The following STRN3 variants were observed in gnomAD, a reference collection of about 807,000 sequenced individuals.
STRN3 encodes the protein striatin-3.
A neutral mutation model predicts 95.6 loss-of-function variants in STRN3; 29 were observed. The observed-to-expected ratio is 0.30, with a 90% CI of 0.23 to 0.41. The LOEUF is 0.41. Ranked by LOEUF, STRN3 falls within the 10% of genes least tolerant of loss-of-function variation. STRN3 has a pLI of 1.00. For synonymous variants in STRN3, 331 were observed against 357.6 expected (o/e 0.93, Z 0.84); for missense variants, 890 against 972.1 (o/e 0.92, Z 1.12).
chr14:31,014,349 T>A (rs550869463), intron 1 of STRN3, among the ~76,000 whole-genome samples: 1 of 151,854 alleles, frequency 6.6e-6, no homozygotes, highest in Non-Finnish European at 1.5e-5. Flanking sequence ...GCCTCCCGAG[T>A]AGCTGGAACT....
rs543701954 is a variant in STRN3 at position 30,987,080 on chromosome 14, T to C, written c.283-30838A>G. Among the ~76,000 whole-genome samples, 17 of 152,324 alleles carry C rather than the reference T, an allele frequency of 1.1e-4. 1 individual carries two copies. The South Asian group carries it at 2.7e-3, about 24-fold the overall frequency. On this transcript the variant is annotated intron_variant, in intron 1 of 17. Transcript: ENST00000357479. The stretch of plus-strand genomic sequence containing the variant: ...ACCCTCTTTATGGTACAAGAAGGCA[T>C]ACAGTCCTTTAAACACACTTACTAG...
At chr14:30,980,433 A>T (rs1881335463) in intron 1 of STRN3, among the ~76,000 whole-genome samples, 1 of 150,174 alleles carries the variant, frequency 6.7e-6, no homozygotes, top group Non-Finnish European at 1.5e-5. Context: ...TTTGAGATGG[A>T]GTGTTGCTCT....
chr14:30,929,972 A>AAAAAAAAAAAAAC (rs1566441496), intron 7 of STRN3, among the ~76,000 whole-genome samples: 1 of 149,500 alleles, frequency 6.7e-6, no homozygotes, highest in African/African-American at 2.5e-5. Context: ...AAAAAAAAAA[A>AAAAAAAAAAAAAC]AAAAAAACTC....
intron 3 of STRN3, among the ~76,000 whole-genome samples, chr14:30,955,345 CCTAA>C (rs1264261809): frequency 6.6e-6 from 1 of 152,094 alleles, no homozygotes; most frequent in Non-Finnish European, 1.5e-5. Context: ...TACTATAATA[CCTAA>C]CTTTGTTACC....
rs117876424 is a variant in STRN3 at position 30,914,066 on chromosome 14, A to G, written c.1241-409T>C. 1.4e-3 allele frequency among the ~76,000 whole-genome samples: 219 copies of G among 152,348 alleles called. 1 individual carries two copies. The highest frequency in any genetic ancestry group is 2.8e-3 in the Non-Finnish European group (190 of 68,034). On this transcript the variant is annotated intron_variant, in intron 9 of 17. Coordinates refer to ENST00000357479, the MANE Select transcript of STRN3 (RefSeq NM_001083893.2). ...CTCTACCATGGACCTCAAGGACCTC[A>G]AAGTAGTCATATAGTATTTTTTAAA...
At chr14:30,931,736 T>C (rs1401772327) in intron 7 of STRN3, among the ~76,000 whole-genome samples, 1 of 152,312 alleles carries the variant, frequency 6.6e-6, no homozygotes, top group East Asian at 1.9e-4. Context: ...GAACTAAAAA[T>C]AACTAATATT....
chr14:30,901,534 G>C (rs975861975), intron 16 of STRN3, among the ~76,000 whole-genome samples: 7 of 152,178 alleles, frequency 4.6e-5, no homozygotes, highest in Admixed American at 3.9e-4. Flanking sequence ...TTGTTACCCT[G>C]TAACAATGTT....
rs755650146 is a variant in STRN3 at position 30,984,266 on chromosome 14, T to TAA, written c.283-28026_283-28025dup. ...AAAGAAAGAAAAGGATGAGGAATTCTAAAAAAAAAAAAAAAAAAAAAAAAA... is the reference window on the plus strand; with the variant it reads ...AAAGAAAGAAAAGGATGAGGAATTCTAAAAAAAAAAAAAAAAAAAAAAAAAAA... On this transcript the variant is annotated intron_variant, in intron 1 of 17. Coordinates refer to ENST00000357479, the MANE Select transcript of STRN3 (RefSeq NM_001083893.2). Among the ~76,000 whole-genome samples, 595 of 86,860 alleles carry TAA rather than the reference T, an allele frequency of 6.9e-3. 13 individuals are homozygous for TAA. Among genetic ancestry groups the TAA allele is most frequent in the South Asian group, 0.02 (37 of 1,826 alleles). 57.0% of individuals were successfully genotyped at this position (86,860 alleles called of 152,430 possible). A position where few individuals can be genotyped will look rare whatever the true frequency, so the allele number is the denominator to read the frequency against.
At chr14:30,921,108 T>C (rs971229759) in intron 8 of STRN3, among the ~76,000 whole-genome samples, 2 of 122,742 alleles carry the variant, frequency 1.6e-5, no homozygotes, top group African/African-American at 6.0e-5. Context: ...ACACACACAC[T>C]TCCTTATCTT....
At chr14:31,014,687 G>T in intron 1 of STRN3, 1 of 457,932 alleles carries the variant, frequency 2.2e-6, no homozygotes, top group South Asian at 1.6e-5. Flanking sequence ...CCAATACCTT[G>T]TGTTTACCTT....
Position 30,895,533 on chromosome 14 carries a change from C to T in STRN3, c.2272G>A (p.Val758Met), listed in dbSNP as rs775955992. 1 of 1,614,102 alleles carries T rather than the reference C, an allele frequency of 6.2e-7. No homozygotes were observed. Among genetic ancestry groups the T allele is most frequent in the South Asian group, 1.1e-5 (1 of 91,068 alleles). The change falls in exon 18 of 18, where the codon GTG becomes ATG. Residue 758 changes from valine (V) to methionine (M), a missense_variant. By Grantham distance (21) the Val-to-Met change is conservative. Around this residue, in one of 3 missense-constraint regions of STRN3, gnomAD observed 357 missense variants for 422.8 expected, o/e 0.84. Transcript: ENST00000357479. ...TTTCTGTGAGCTGTTATTTCTTGCA[C>T]ACATGTCTTGCTGTCTAAATTCCAT... ...RLWNLDSKTC[V>M]QEITAHRKKL...
intron 9 of STRN3, among the ~76,000 whole-genome samples, chr14:30,917,601 A>G (rs1478954600): frequency 6.6e-6 from 1 of 152,258 alleles, no homozygotes; most frequent in Admixed American, 6.5e-5. Context: ...AAATACTTCT[A>G]AAGTAAAACA....
Position 30,929,967 on chromosome 14 carries a change from A to AAAAAAAAAAAAC in STRN3, c.989-657_989-656insGTTTTTTTTTTT, listed in dbSNP as rs1878431307. On this transcript the variant is annotated intron_variant, in intron 7 of 17. Transcript: ENST00000357479. ...AACTAAGATTAGCAAAAAAAAAAAA[A>AAAAAAAAAAAAC]AAAAAAAAAAAACTCAAATTCCACT... Among the ~76,000 whole-genome samples the AAAAAAAAAAAAC allele has an allele frequency of 8.8e-5, 8 of 91,208 alleles. 1 individual carries two copies. Among genetic ancestry groups the AAAAAAAAAAAAC allele is most frequent in the South Asian group, 6.4e-4 (2 of 3,134 alleles). 59.8% of individuals were successfully genotyped at this position (91,208 alleles called of 152,430 possible).
chr14:31,017,400 G>A (rs1409996314), intron 1 of STRN3, among the ~76,000 whole-genome samples: 1 of 83,640 alleles, frequency 1.2e-5, no homozygotes, highest in Non-Finnish European at 3.1e-5. Flanking sequence ...TAGGGAGGCT[G>A]AGGCAGGAGA....
intron 1 of STRN3, among the ~76,000 whole-genome samples, chr14:30,996,050 T>C (rs1040068625): frequency 6.6e-6 from 1 of 152,348 alleles, no homozygotes; most frequent in East Asian, 1.9e-4. Context: ...TCAAGTGAGC[T>C]TTTTGTTGTA....
At chr14:30,929,954 C>CAAAAAAAAAAACAAAAAAAAAAA (rs1393194244) in intron 7 of STRN3, among the ~76,000 whole-genome samples, 3 of 40,000 alleles carry the variant, frequency 7.5e-5, no homozygotes, top group African/African-American at 3.7e-4. Context: ...CTAAGATTAG[C>CAAAAAAAAAAACAAAAAAAAAAA]AAAAAAAAAA....
chr14:30,976,297 C>A (rs555405562), intron 1 of STRN3, among the ~76,000 whole-genome samples: 1 of 152,060 alleles, frequency 6.6e-6, no homozygotes, highest in African/African-American at 2.4e-5. Flanking sequence ...GACTTCAGAA[C>A]CAGGATAATT....
intron 1 of STRN3, among the ~76,000 whole-genome samples, chr14:30,957,479 A>AGAG (rs71112360): frequency 2.0e-5 from 3 of 147,304 alleles, no homozygotes; most frequent in East Asian, 2.0e-4. Context: ...AGAGAGAGAG[A>AGAG]AAAAAGAAAA....
intron 1 of STRN3, among the ~76,000 whole-genome samples, chr14:30,999,064 G>T (rs1377082313): frequency 2.0e-5 from 3 of 152,166 alleles, no homozygotes; most frequent in African/African-American, 7.2e-5. Context: ...GAACTTTTTA[G>T]AATTTTTTAA....
Sources: gnomAD v4.1 joint callset for allele counts (sites outside exome capture counted in the v4.1 genomes callset) on GRCh38, gnomAD v4.1.1 for gene constraint, gnomAD v4.1.1 regional missense constraint, MANE v1.5 for transcripts, NCBI Gene and HGNC (gene_info 2026-07-23, HGNC 2026-07-21) for gene names.